The following MYH15 variants were observed in gnomAD, a reference collection of about 807,000 sequenced individuals.
The protein encoded by MYH15 is myosin heavy chain 15, also known as myosin-15.
In MYH15, 227 loss-of-function variants were observed where a neutral mutation model predicts 240.5. That is an observed-to-expected ratio of 0.94 (90% confidence interval 0.85 to 1.05). MYH15 has a LOEUF of 1.05. Ranked by LOEUF, MYH15 falls within the 50% of genes least tolerant of loss-of-function variation. The probability of loss-of-function intolerance (pLI) is 0.00; values close to 1 mark genes in which losing one functional copy is unlikely to be tolerated. For synonymous variants in MYH15, 785 were observed against 796.7 expected (o/e 0.99, Z 0.25); for missense variants, 2,217 against 2,247.5 (o/e 0.99, Z 0.27).
At chr3:108,525,379 C>T (rs1375031824) in intron 1 of MYH15, among the ~76,000 whole-genome samples, 1 of 152,074 alleles carries the variant, frequency 6.6e-6, no homozygotes, top group Non-Finnish European at 1.5e-5. Flanking sequence ...CAGTAATAAT[C>T]TTCTGTAGCT....
At position 108,414,263 on chromosome 3, in the gene MYH15, T is replaced by C. The variant is rs1237032832; in HGVS notation, c.4114A>G (p.Ile1372Val). ...TCCTCCAAGTCTTCTGTTCTCTGGA[T>C]GACATTGTTTTCATACTTCATTCTC... is the stretch of plus-strand genomic sequence containing the variant. The part of the protein sequence containing the change: ...QWRMKYENNV[I>V]QRTEDLEDAK... The change falls in exon 30 of 41, where the codon ATC becomes GTC. Residue 1372 changes from isoleucine to valine, a missense_variant. Coordinates refer to ENST00000693548, the MANE Select transcript of MYH15 (RefSeq NM_014981.3). The C allele has an allele frequency of 6.2e-7, 1 of 1,614,218 alleles. No homozygotes were observed. The highest frequency in any genetic ancestry group is 1.7e-5 in the Admixed American group (1 of 60,024).
chr3:108,428,490 AC>A lies in MYH15; in HGVS notation c.3702+1del. The A allele has an allele frequency of 6.2e-7, 1 of 1,609,112 alleles. No homozygotes were observed. The highest frequency in any genetic ancestry group is 1.7e-5 in the Admixed American group (1 of 59,774). ...CCACGAGGATGGCATGGGAGTATCT[AC>A]CTTAGCTCTTGTCATCTGCTCAACA... On this transcript the variant is annotated splice_donor_variant, in intron 27 of 40. Coordinates refer to ENST00000693548, the MANE Select transcript of MYH15 (RefSeq NM_014981.3). LOFTEE classifies it high-confidence loss of function.
chr3:108,457,139 G>A (rs1576245004), intron 18 of MYH15, among the ~76,000 whole-genome samples: 1 of 152,120 alleles, frequency 6.6e-6, no homozygotes, highest in Non-Finnish European at 1.5e-5. Flanking sequence ...AGTCAGATGA[G>A]ATGTTTATAA....
chr3:108,535,692 TAG>T, the MYH15 span, among the ~76,000 whole-genome samples: 1 of 152,150 alleles, frequency 6.6e-6, no homozygotes. Flanking sequence ...GTAAAAGCTA[TAG>T]AGTGTTTTTT....
intron 21 of MYH15, among the ~76,000 whole-genome samples, chr3:108,453,097 T>C (rs1476990602): frequency 1.3e-5 from 2 of 152,198 alleles, no homozygotes; most frequent in East Asian, 3.8e-4. Context: ...TTAGAGAGAA[T>C]GGATCATAAA....
Position 108,460,372 on chromosome 3 carries a change from C to CA in MYH15, c.1865-6dup, listed in dbSNP as rs11303627. 0.045 allele frequency: 58,854 copies of CA among 1,316,882 alleles called. 141 individuals are homozygous for CA. Among genetic ancestry groups the CA allele is most frequent in the Non-Finnish European group, 0.053 (51,559 of 981,654 alleles). The allele number at this position is 1,316,882 out of a possible 1,614,324, so 81.6% of individuals were successfully genotyped here. On this transcript the variant is annotated splice_polypyrimidine_tract_variant and splice_region_variant and intron_variant, in intron 16 of 40. Coordinates refer to ENST00000693548, the MANE Select transcript of MYH15 (RefSeq NM_014981.3). ...TCTTCTCCCCAAATGGTATAGCTAG[C>CA]AAAAAAAAAAAAAGAAAAAGATGAA...
At chr3:108,441,605 T>C (rs949766619) in intron 22 of MYH15, among the ~76,000 whole-genome samples, 1 of 152,194 alleles carries the variant, frequency 6.6e-6, no homozygotes, top group African/African-American at 2.4e-5. Flanking sequence ...GAAATATCCA[T>C]GTAGGCACAG....
At position 108,410,910 on chromosome 3, in the gene MYH15, G is replaced by A. The variant is rs1310644215; in HGVS notation, c.4168C>T (p.Gln1390Ter). ...DAKKELAIRL[Q>*]EAAEAMGVAN... ...ACCCCCATGGCTTCGGCTGCCTCCT[G>A]CAATCTAATTGCCAGTTCCTTCCTG... The change falls in exon 31 of 41, where the codon CAG (glutamine) becomes TAG (stop). Residue 1390 changes from glutamine (Q) to a stop codon, truncating the protein, a stop_gained. Coordinates refer to ENST00000693548, the MANE Select transcript of MYH15 (RefSeq NM_014981.3). LOFTEE classifies it high-confidence loss of function. 2 of 1,602,670 alleles carry A rather than the reference G, an allele frequency of 1.2e-6. No homozygotes were observed. Among genetic ancestry groups the A allele is most frequent in the South Asian group, 1.1e-5 (1 of 90,642 alleles).
chr3:108,401,226 G>A (rs906817480), intron 33 of MYH15, among the ~76,000 whole-genome samples: 1 of 152,086 alleles, frequency 6.6e-6, no homozygotes, highest in Non-Finnish European at 1.5e-5. Context: ...TTGGAGATAG[G>A]GCCTTTAAAG....
intron 11 of MYH15, among the ~76,000 whole-genome samples, chr3:108,477,381 G>T (rs2083230001): frequency 6.6e-6 from 1 of 152,130 alleles, no homozygotes; most frequent in South Asian, 2.1e-4. Flanking sequence ...ATAATAAAAT[G>T]TTCCGGAATT....
chr3:108,544,541 G>T, the MYH15 span, among the ~76,000 whole-genome samples: 1 of 152,106 alleles, frequency 6.6e-6, no homozygotes, highest in African/African-American at 2.4e-5. Flanking sequence ...AGGGATAGCA[G>T]CAATTCAAGT....
rs375822040 is a variant in MYH15, at chr3:108,496,609, T to C, written c.619-737A>G. ...ATCTTATGGGGGGACTTATATAGTA[T>C]ACTGTACTCAATAATTTATGGATTT... On this transcript the variant is annotated intron_variant, in intron 6 of 40. Transcript: ENST00000693548. 1.1e-4 allele frequency among the ~76,000 whole-genome samples: 17 copies of C among 152,300 alleles called. No homozygotes were observed. In the East Asian group the frequency reaches 3.1e-3, roughly 28 times the overall value.
At chr3:108,394,408 T>C (rs2082443994) in intron 35 of MYH15, among the ~76,000 whole-genome samples, 1 of 152,190 alleles carries the variant, frequency 6.6e-6, no homozygotes. Flanking sequence ...GAAGGGTATC[T>C]AGATAACCTA....
rs180760864 is a variant in MYH15, at chr3:108,438,219, A to G, written c.3076-520T>C. On this transcript the variant is annotated intron_variant, in intron 24 of 40. Transcript: ENST00000693548. ...CTGGCCCATTCAAACACATTCTCAC[A>G]TGTCATGATTTCCAAGCCCCGTCAC... 6.6e-5 allele frequency among the ~76,000 whole-genome samples: 10 copies of G among 152,176 alleles called. No homozygotes were observed. The East Asian group carries it at 1.7e-3, about 26-fold the overall frequency.
intron 14 of MYH15, among the ~76,000 whole-genome samples, chr3:108,468,894 G>C (rs1310730890): frequency 2.6e-5 from 4 of 152,154 alleles, no homozygotes; most frequent in African/African-American, 9.7e-5. Context: ...AGGACCTCCA[G>C]TTCTTTTGTT....
intron 8 of MYH15, 152 bp downstream of exon 8, chr3:108,492,962 A>G: frequency 1.5e-6 from 1 of 672,628 alleles, no homozygotes; most frequent in Non-Finnish European, 2.6e-6. Context: ...AAGAAAAGAA[A>G]AGAAGGAAGG....
intron 1 of MYH15, among the ~76,000 whole-genome samples, chr3:108,528,462 C>G (rs763646721): frequency 4.1e-4 from 62 of 152,082 alleles, no homozygotes; most frequent in Non-Finnish European, 8.8e-4. Context: ...ACACTAAAAT[C>G]TGGATGATGG....
chr3:108,500,963 C>G (rs891131346), intron 3 of MYH15, among the ~76,000 whole-genome samples: 2 of 152,138 alleles, frequency 1.3e-5, no homozygotes, highest in African/African-American at 4.8e-5. Context: ...AAGGATTCTC[C>G]CCAAGAGCCT....
intron 25 of MYH15, among the ~76,000 whole-genome samples, chr3:108,436,224 C>G (rs1452376052): frequency 6.6e-6 from 1 of 152,100 alleles, no homozygotes; most frequent in Non-Finnish European, 1.5e-5. Context: ...TGACCTGTGG[C>G]CTACACGACA....
Sources: allele counts gnomAD v4.1 joint callset (sites outside exome capture counted in the v4.1 genomes callset), GRCh38; gene constraint gnomAD v4.1.1; transcripts MANE v1.5; gene names NCBI Gene and HGNC (gene_info 2026-07-23, HGNC 2026-07-21).